PCDH15: variants seen among roughly 807,000 people sequenced by gnomAD.
PCDH15 encodes the protein protocadherin-15.
A neutral mutation model predicts 178.5 loss-of-function variants in PCDH15; 129 were observed. The observed-to-expected ratio is 0.72, with a 90% confidence interval of 0.63 to 0.84. The LOEUF is 0.84. Among genes scored for constraint, PCDH15 ranks in the 40% least tolerant of loss-of-function variants. The pLI, the probability that PCDH15 is intolerant of heterozygous loss-of-function variation, is 0.00. For synonymous variants in PCDH15, 800 were observed against 732.0 expected (o/e 1.09, Z -1.50); for missense variants, 2,230 against 2,099.9 (o/e 1.06, Z -1.21).
At chr10:54,652,248 C>G (rs999126391) in intron 2 of PCDH15, among the ~76,000 whole-genome samples, 1 of 152,178 alleles carries the variant, frequency 6.6e-6, no homozygotes, top group Non-Finnish European at 1.5e-5. Flanking sequence ...AGTTGCTGCT[C>G]TGCCTTGTCT....
chr10:54,329,600 G>T lies in PCDH15; in HGVS notation c.701C>A (p.Ala234Asp). Residue 234 changes from alanine (A) to aspartate (D), a missense_variant, in exon 7 of 38, where the codon GCT becomes GAT. Transcript: ENST00000644397. The part of the protein sequence containing the change: ...DKTRYFVIIQ[A>D]NDRAQNLNER... ...TAAAAGAAATTGAATACTCACATTA[G>T]CTTGGATTATGACAAAGTAGCGAGT... 1 of 1,580,216 alleles carries T rather than the reference G, an allele frequency of 6.3e-7. No homozygotes were observed. Among genetic ancestry groups the T allele is most frequent in the Non-Finnish European group, 8.7e-7 (1 of 1,149,734 alleles).
chr10:55,466,908 CTT>C (rs1041342397), intron 2 of PCDH15, among the ~76,000 whole-genome samples: 1 of 152,128 alleles, frequency 6.6e-6, no homozygotes, highest in East Asian at 1.9e-4. Context: ...AGAAAATAGT[CTT>C]TTTTCAGAGA....
intron 1 of PCDH15, among the ~76,000 whole-genome samples, chr10:55,240,187 A>T (rs1238439932): frequency 6.6e-6 from 1 of 152,202 alleles, no homozygotes; most frequent in South Asian, 2.1e-4. Flanking sequence ...ATATATATTC[A>T]AAAGAAAGGA....
At chr10:55,430,484 T>C (rs1052342051) in intron 2 of PCDH15, among the ~76,000 whole-genome samples, 1 of 152,180 alleles carries the variant, frequency 6.6e-6, no homozygotes, top group Non-Finnish European at 1.5e-5. Context: ...CATTGTTGTT[T>C]AGCTAAGTGC....
intron 2 of PCDH15, among the ~76,000 whole-genome samples, chr10:55,505,731 C>T (rs1186949562): frequency 6.6e-6 from 1 of 151,412 alleles, no homozygotes; most frequent in Non-Finnish European, 1.5e-5. Flanking sequence ...CTAGCACAAT[C>T]TATTCCTTCA....
In PCDH15 at chr10:55,528,622, T is replaced by A. The variant is rs373747474; in HGVS notation, c.-156+99003A>T. ...GTGCCACATTTTCTTAATCCAGTCT[T>A]TCATTGTTGGACATTTGGGTTGGTT... On this transcript the variant is annotated intron_variant, in intron 2 of 5. Transcript: ENST00000613346. Among the ~76,000 whole-genome samples, 32 of 152,140 alleles carry A rather than the reference T, an allele frequency of 2.1e-4. No individual in the cohort carries two copies. The East Asian group carries it at 3.1e-3, about 15-fold the overall frequency.
chr10:55,552,779 T>G (rs932582517), intron 2 of PCDH15, among the ~76,000 whole-genome samples: 1 of 151,496 alleles, frequency 6.6e-6, no homozygotes, highest in Non-Finnish European at 1.5e-5. Flanking sequence ...TATTATAAAC[T>G]ATTATAAATA....
chr10:54,312,162 A>T (rs1018264108), intron 8 of PCDH15, among the ~76,000 whole-genome samples: 2 of 152,116 alleles, frequency 1.3e-5, no homozygotes, highest in Admixed American at 6.6e-5. Flanking sequence ...TTGAAATTTC[A>T]TGAAATTTTA....
chr10:53,964,630 A>G (rs1185362814), intron 21 of PCDH15, among the ~76,000 whole-genome samples: 1 of 152,092 alleles, frequency 6.6e-6, no homozygotes, highest in African/African-American at 2.4e-5. Context: ...TGGGAAATAG[A>G]GAACATTGAA....
At chr10:55,164,304 T>C (rs1839140792) in intron 2 of PCDH15, among the ~76,000 whole-genome samples, 1 of 152,060 alleles carries the variant, frequency 6.6e-6, no homozygotes, top group Admixed American at 6.6e-5. Context: ...AAATGTATTT[T>C]TTTTTTTAAA....
intron 1 of PCDH15, among the ~76,000 whole-genome samples, chr10:54,685,640 A>C (rs917974230): frequency 2.6e-5 from 4 of 152,210 alleles, no homozygotes; most frequent in African/African-American, 9.6e-5. Context: ...CAATGAGGAT[A>C]CATCCTGTTA....
At position 54,381,259 on chromosome 10, in the gene PCDH15, G is replaced by C. The variant is rs995223732; in HGVS notation, c.158-2317C>G. Among the ~76,000 whole-genome samples the C allele has an allele frequency of 2.6e-5, 4 of 151,968 alleles. No homozygotes were observed. In the East Asian group the frequency reaches 7.7e-4, roughly 29 times the overall value. ...CATACCCCTCTCCTTAGAAGAATACGTGACACCCAAGCTATAGTTAGCATT... is the reference window on the plus strand; with the variant it reads ...CATACCCCTCTCCTTAGAAGAATACCTGACACCCAAGCTATAGTTAGCATT... On this transcript the variant is annotated intron_variant, in intron 3 of 37. Transcript: ENST00000644397.
intron 13 of PCDH15, among the ~76,000 whole-genome samples, chr10:54,155,177 G>T (rs1011367221): frequency 6.6e-6 from 1 of 152,176 alleles, no homozygotes; most frequent in Non-Finnish European, 1.5e-5. Context: ...GTTAAGGAGT[G>T]TGCTTCAGGG....
intron 37 of PCDH15, chr10:53,808,247 C>T (rs964373205): frequency 2.6e-5 from 6 of 231,696 alleles, no homozygotes; most frequent in Non-Finnish European, 3.5e-5. Flanking sequence ...CAAAAGTAGA[C>T]GACTGTTAAA....
intron 25 of PCDH15, among the ~76,000 whole-genome samples, chr10:53,907,378 T>C (rs1310144986): frequency 6.6e-6 from 1 of 152,148 alleles, no homozygotes; most frequent in Non-Finnish European, 1.5e-5. Flanking sequence ...AGAAAAATAA[T>C]GTTAAGGGAA....
Position 55,334,311 on chromosome 10 carries a change from TA to T in PCDH15, c.-155-167661del, listed in dbSNP as rs71476334. Among the ~76,000 whole-genome samples, 638 of 98,702 alleles carry T rather than the reference TA, an allele frequency of 6.5e-3. 26 individuals carry two copies. The highest frequency in any genetic ancestry group is 0.026 in the African/African-American group (602 of 23,402). The allele number at this position is 98,702 out of a possible 152,430, so 64.8% of individuals were successfully genotyped here. ...ATGTGTATATATCTATATATATATA[TA>T]TATTTTTTTTTTGAGACAGAGTTTC... is the stretch of plus-strand genomic sequence containing the variant. On this transcript the variant is annotated intron_variant, in intron 2 of 5. Transcript: ENST00000613346.
At chr10:55,349,364 TG>T (rs547494599) in intron 2 of PCDH15, among the ~76,000 whole-genome samples, 273 of 152,316 alleles carry the variant, frequency 1.8e-3, no homozygotes, top group Non-Finnish European at 3.2e-3. Flanking sequence ...ATAGTTTTCA[TG>T]TATTTTTTCA....
chr10:55,379,254 T>G (rs1010748027), intron 2 of PCDH15, among the ~76,000 whole-genome samples: 1 of 152,098 alleles, frequency 6.6e-6, no homozygotes, highest in Non-Finnish European at 1.5e-5. Flanking sequence ...TCTAAGGCCT[T>G]TGGTAATCAC....
At chr10:55,619,461 T>C (rs975265179) in intron 2 of PCDH15, among the ~76,000 whole-genome samples, 12 of 151,992 alleles carry the variant, frequency 7.9e-5, no homozygotes, top group Non-Finnish European at 1.6e-4. Flanking sequence ...GAACACAGTA[T>C]CTGGACCCTT....
Sources: allele counts gnomAD v4.1 joint callset (sites outside exome capture counted in the v4.1 genomes callset), GRCh38; gene constraint gnomAD v4.1.1; transcripts MANE v1.5; gene names NCBI Gene and HGNC (gene_info 2026-07-23, HGNC 2026-07-21).